Variants in PAPSS2 observed in about 807,000 individuals in gnomAD.
The protein encoded by PAPSS2 is bifunctional 3'-phosphoadenosine 5'-phosphosulfate synthase 2.
In PAPSS2, 61 loss-of-function variants were observed where a neutral mutation model predicts 66.5. That is an observed-to-expected ratio of 0.92 (90% CI 0.75 to 1.14). The LOEUF (loss-of-function observed/expected upper bound fraction) is 1.14. Among genes scored for constraint, PAPSS2 ranks in the 50% most tolerant of loss-of-function variants. The probability of loss-of-function intolerance (pLI) is 0.00; values close to 1 mark genes in which losing one functional copy is unlikely to be tolerated. For missense variants in PAPSS2, 708 were observed against 789.6 expected (o/e 0.90, Z 1.24); for synonymous variants, 289 against 287.5 (o/e 1.01, Z -0.05).
chr10:87,683,028 G>A (rs1853041758), intron 1 of PAPSS2, among the ~76,000 whole-genome samples: 1 of 151,454 alleles, frequency 6.6e-6, no homozygotes, highest in Non-Finnish European at 1.5e-5. Context: ...AACCACTTGA[G>A]TTCACAACTA....
At chr10:87,689,355 A>C (rs1460551832) in intron 1 of PAPSS2, among the ~76,000 whole-genome samples, 10 of 146,044 alleles carry the variant, frequency 6.8e-5, no homozygotes, top group Non-Finnish European at 1.0e-4. Context: ...AAAAAAAAAA[A>C]CAAAAAAAAC....
intron 3 of PAPSS2, 125 bp from the exon 4 acceptor site, chr10:87,713,919 C>T: frequency 1.0e-6 from 1 of 953,784 alleles, no homozygotes; most frequent in African/African-American, 1.6e-5. Context: ...TTCTCTCAAG[C>T]ACTCTGCAAA....
At chr10:87,682,721 A>G (rs188750800) in intron 1 of PAPSS2, among the ~76,000 whole-genome samples, 33 of 152,356 alleles carry the variant, frequency 2.2e-4, no homozygotes, top group African/African-American at 7.9e-4. Context: ...TGAACACATA[A>G]GGTCCAGGTG....
intron 7 of PAPSS2, among the ~76,000 whole-genome samples, chr10:87,720,261 A>C (rs1853578140): frequency 1.3e-5 from 2 of 152,114 alleles, no homozygotes; most frequent in Admixed American, 1.3e-4. Flanking sequence ...ACAAAATGGA[A>C]CTGCCTCACT....
chr10:87,700,827 A>G (rs1268928502), intron 1 of PAPSS2, among the ~76,000 whole-genome samples: 4 of 152,046 alleles, frequency 2.6e-5, no homozygotes, highest in African/African-American at 9.7e-5. Flanking sequence ...TATCCAAAGT[A>G]GAAGGGAAAT....
chr10:87,691,391 G>C (rs949240264), intron 1 of PAPSS2, among the ~76,000 whole-genome samples: 1 of 151,978 alleles, frequency 6.6e-6, no homozygotes, highest in African/African-American at 2.4e-5. Flanking sequence ...GGTGAAGAAG[G>C]CCGACATGTC....
chr10:87,667,726 G>C (rs1852830977), intron 1 of PAPSS2, among the ~76,000 whole-genome samples: 1 of 152,192 alleles, frequency 6.6e-6, no homozygotes, highest in South Asian at 2.1e-4. Flanking sequence ...AACTCAATCT[G>C]TATACCATCA....
At position 87,727,418 on chromosome 10, in the gene PAPSS2, T is replaced by C; in HGVS notation, c.1015T>C (p.Tyr339His). ...AGCTATCTTACGAGACGCTGAATTC[T>C]ATGAACACAGAAAAGAGGAACGCTG... ...RVAILRDAEF[Y>H]EHRKEERCSR... The change falls in exon 9 of 13, where the codon TAT (tyrosine) becomes CAT (histidine). Residue 339 changes from tyrosine to histidine, a missense_variant. By Grantham distance (83) the Tyr-to-His change is moderately conservative. Coordinates refer to ENST00000456849, the MANE Select transcript of PAPSS2 (RefSeq NM_001015880.2). 1.2e-6 allele frequency: 2 copies of C among 1,614,122 alleles called. No homozygotes were observed. The highest frequency in any genetic ancestry group is 8.5e-7 in the Non-Finnish European group (1 of 1,180,008).
At position 87,736,720 on chromosome 10, in the gene PAPSS2, C is replaced by T. The variant is rs186354555; in HGVS notation, c.1087-4515C>T. ...ACTGCTAAATAAAATGTGTTTGATC[C>T]TTCTACTTTGACAACTATGCCTTAA... On this transcript the variant is annotated intron_variant, in intron 9 of 12. Coordinates refer to ENST00000456849, the MANE Select transcript of PAPSS2 (RefSeq NM_001015880.2). Among the ~76,000 whole-genome samples the T allele has an allele frequency of 1.2e-3, 184 of 152,330 alleles. 1 individual carries two copies. Among genetic ancestry groups the T allele is most frequent in the Middle Eastern group, 6.8e-3 (2 of 294 alleles).
chr10:87,732,630 A>G (rs1028347766), intron 9 of PAPSS2, among the ~76,000 whole-genome samples: 1 of 152,224 alleles, frequency 6.6e-6, no homozygotes, highest in African/African-American at 2.4e-5. Context: ...TGCACTGGGA[A>G]ACCAAAAAAT....
chr10:87,692,613 G>C (rs1245542098), intron 1 of PAPSS2, among the ~76,000 whole-genome samples: 1 of 152,178 alleles, frequency 6.6e-6, no homozygotes, highest in Non-Finnish European at 1.5e-5. Context: ...ATTATTGGCT[G>C]CTTGTTGTTT....
intron 1 of PAPSS2, among the ~76,000 whole-genome samples, chr10:87,670,899 T>C (rs957761384): frequency 6.6e-6 from 1 of 152,252 alleles, no homozygotes; most frequent in Non-Finnish European, 1.5e-5. Flanking sequence ...CACATCACAC[T>C]GTGTTATTAA....
Position 87,746,084 on chromosome 10 carries a change from T to A in PAPSS2, c.*114T>A. 2 of 990,644 alleles carry A rather than the reference T, an allele frequency of 2.0e-6. No individual in the cohort carries two copies. The highest frequency in any genetic ancestry group is 3.1e-6 in the Non-Finnish European group (2 of 653,364). 61.4% of individuals were successfully genotyped at this position (990,644 alleles called of 1,614,324 possible). The stretch of plus-strand genomic sequence containing the variant: ...AATGATGCATTTTAATCTTTTATAA[T>A]GAAGTAAAAGTTGTGTCTATAATTA... On this transcript the variant is annotated 3_prime_UTR_variant, in exon 13 of 13. Transcript: ENST00000456849.
chr10:87,706,084 G>GTATATATATA (rs532950801), intron 1 of PAPSS2, among the ~76,000 whole-genome samples: 794 of 59,616 alleles, frequency 0.013, 2 homozygotes, highest in Non-Finnish European at 0.017. Context: ...TCTTCACATG[G>GTATATATATA]TATATATATA....
At chr10:87,739,219 T>G (rs1853837282) in intron 9 of PAPSS2, among the ~76,000 whole-genome samples, 1 of 152,220 alleles carries the variant, frequency 6.6e-6, no homozygotes, top group Non-Finnish European at 1.5e-5. Flanking sequence ...TTCATTCCTT[T>G]GCATGTGGAT....
At chr10:87,664,191 G>C (rs1383356021) in intron 1 of PAPSS2, among the ~76,000 whole-genome samples, 1 of 152,188 alleles carries the variant, frequency 6.6e-6, no homozygotes, top group African/African-American at 2.4e-5. Context: ...CGAAGTATTA[G>C]GATTGCAGGC....
intron 1 of PAPSS2, chr10:87,660,943 T>G (rs542455278): frequency 2.2e-5 from 10 of 455,782 alleles, no homozygotes; most frequent in South Asian, 1.5e-4. Flanking sequence ...CTCAGCAGTT[T>G]GGCCGCTGAA....
chr10:87,670,347 G>A (rs1012521932), intron 1 of PAPSS2, among the ~76,000 whole-genome samples: 4 of 152,188 alleles, frequency 2.6e-5, no homozygotes, highest in African/African-American at 7.2e-5. Flanking sequence ...GTTCAAGGTC[G>A]ACGCTTAAGG....
intron 1 of PAPSS2, among the ~76,000 whole-genome samples, chr10:87,701,364 CTTTCTTTCTTTCTTTCTTTCTT>C (rs1564716748): frequency 5.2e-4 from 52 of 99,690 alleles, no homozygotes; most frequent in African/African-American, 2.0e-3. Flanking sequence ...TTCTTTCTTT[CTTTCTTTCTTTCTTTCTTTCTT>C]TCTTTCTTTC....
Sources: gnomAD v4.1 joint callset for allele counts (sites outside exome capture counted in the v4.1 genomes callset) on GRCh38, gnomAD v4.1.1 for gene constraint, MANE v1.5 for transcripts, NCBI Gene and HGNC (gene_info 2026-07-23, HGNC 2026-07-21) for gene names.